The following RUFY1 variants were observed in gnomAD, a reference collection of about 807,000 sequenced individuals.
RUFY1 encodes the protein RUN and FYVE domain-containing protein 1.
RUFY1 carries 54 observed loss-of-function variants against 94.6 expected under a neutral mutation model. That is an observed-to-expected ratio of 0.57 (90% confidence interval 0.46 to 0.72). The LOEUF is 0.72. Among genes scored for constraint, RUFY1 ranks in the 30% least tolerant of loss-of-function variants. The pLI is 0.00. For missense variants in RUFY1, 883 were observed against 883.9 expected, an observed-to-expected ratio of 1.00 and a Z score of 0.01; for synonymous variants, 396 against 347.3, an observed-to-expected ratio of 1.14 and a Z score of -1.56.
At chr5:179,577,416 C>A (rs965226091) in intron 6 of RUFY1, among the ~76,000 whole-genome samples, 8 of 151,612 alleles carry the variant, frequency 5.3e-5, no homozygotes, top group Non-Finnish European at 1.2e-4. Context: ...CGGCCCGTCT[C>A]GGCCTCCCAA....
rs763576066 is a variant in RUFY1 at position 179,581,438 on chromosome 5, ATTTTTTT to A, written c.956+441_956+447del. 5.2e-4 allele frequency among the ~76,000 whole-genome samples: 61 copies of A among 116,914 alleles called. 1 individual carries two copies. Among genetic ancestry groups the A allele is most frequent in the African/African-American group, 1.9e-3 (59 of 31,484 alleles). 76.7% of individuals were successfully genotyped at this position (116,914 alleles called of 152,430 possible). A position where few individuals can be genotyped will look rare whatever the true frequency, so the allele number is the denominator to read the frequency against. On this transcript the variant is annotated intron_variant, in intron 7 of 17. Transcript: ENST00000319449. Reference sequence around the variant, plus strand: ...AGTGATCACCGGCATCTTTATCTTGATTTTTTTTTTTTTTTTTTTTTGCTGGAAATCT... The same window carrying A: ...AGTGATCACCGGCATCTTTATCTTGATTTTTTTTTTTTTTGCTGGAAATCT...
chr5:179,597,419 T>G lies in RUFY1; in HGVS notation c.1631+738T>G, dbSNP rs559904859. Among the ~76,000 whole-genome samples, 12 of 152,276 alleles carry G rather than the reference T, an allele frequency of 7.9e-5. No individual in the cohort carries two copies. In the East Asian group the frequency reaches 1.7e-3, roughly 22 times the overall value. On this transcript the variant is annotated intron_variant, in intron 13 of 17. Coordinates refer to ENST00000319449, the MANE Select transcript of RUFY1 (RefSeq NM_025158.5). ...CCTGGCTAATTTTTTGTATTTTTAG[T>G]AGAGACGGGGTTTCACTGTGTTAAC...
intron 15 of RUFY1, among the ~76,000 whole-genome samples, chr5:179,603,158 G>A (rs1415027381): frequency 1.3e-5 from 2 of 151,976 alleles, no homozygotes; most frequent in Non-Finnish European, 2.9e-5. Context: ...CCAGCTACTC[G>A]GGAGGCTGAG....
chr5:179,607,068 T>C (rs4700812), intron 16 of RUFY1: 103,510 of 160,370 alleles, frequency 0.65, 34,406 homozygotes, highest in East Asian at 0.93. Context: ...TTGGCCCGCA[T>C]GGAGAAGGGC....
chr5:179,605,830 CTCA>C, intron 15 of RUFY1, 43 bp from the exon 16 acceptor site: 2 of 1,060,772 alleles, frequency 1.9e-6, no homozygotes, highest in Non-Finnish European at 2.9e-6. Context: ...GATTCAGAGC[CTCA>C]CTCTCTCTCA....
At chr5:179,582,621 C>T (rs911305029) in intron 7 of RUFY1, among the ~76,000 whole-genome samples, 7 of 151,352 alleles carry the variant, frequency 4.6e-5, no homozygotes, top group African/African-American at 7.3e-5. Flanking sequence ...GGGAGGCCGA[C>T]GTGGGTGGAT....
intron 1 of RUFY1, among the ~76,000 whole-genome samples, chr5:179,557,719 T>C (rs1227232996): frequency 1.3e-5 from 2 of 152,160 alleles, no homozygotes; most frequent in Non-Finnish European, 2.9e-5. Flanking sequence ...TTGAACATAA[T>C]TACATAGATT....
At chr5:179,555,644 T>TTTTTTTC in intron 1 of RUFY1, 1 of 319,488 alleles carries the variant, frequency 3.1e-6, no homozygotes, top group African/African-American at 2.9e-5. Context: ...TTTTTTTTTT[T>TTTTTTTC]TTGAGCCGGC....
intron 9 of RUFY1, among the ~76,000 whole-genome samples, chr5:179,589,935 C>T (rs942611879): frequency 6.6e-6 from 1 of 152,200 alleles, no homozygotes; most frequent in East Asian, 1.9e-4. Context: ...TCCCAGGAGC[C>T]GTGGGCGGGC....
At chr5:179,562,004 T>C (rs1762496895) in intron 2 of RUFY1, among the ~76,000 whole-genome samples, 1 of 151,488 alleles carries the variant, frequency 6.6e-6, no homozygotes, top group Admixed American at 6.6e-5. Context: ...TTTTATTCTA[T>C]GGGCAATACA....
chr5:179,554,770 C>T (rs1274523198), intron 1 of RUFY1, among the ~76,000 whole-genome samples: 4 of 151,592 alleles, frequency 2.6e-5, no homozygotes, highest in Non-Finnish European at 4.4e-5. Flanking sequence ...GAGTTTGAGA[C>T]CAGCCTGGCC....
At chr5:179,554,310 G>A (rs906404754) in intron 1 of RUFY1, among the ~76,000 whole-genome samples, 1 of 152,190 alleles carries the variant, frequency 6.6e-6, no homozygotes, top group Non-Finnish European at 1.5e-5. Flanking sequence ...ACCGAGGTGG[G>A]TGAATCACCT....
intron 1 of RUFY1, among the ~76,000 whole-genome samples, chr5:179,554,883 G>T (rs1314280510): frequency 6.6e-6 from 1 of 151,948 alleles, no homozygotes; most frequent in Non-Finnish European, 1.5e-5. Flanking sequence ...CAGGAAAATT[G>T]CTTGAAACCA....
rs774724494 is a variant in RUFY1 at position 179,607,583 on chromosome 5, G to A, written c.1907G>A (p.Gly636Asp). 1 of 1,614,018 alleles carries A rather than the reference G, an allele frequency of 6.2e-7. No homozygotes were observed. The highest frequency in any genetic ancestry group is 1.7e-5 in the Admixed American group (1 of 60,008). The change falls in exon 17 of 18, where the codon GGC (glycine) becomes GAC (aspartate). Residue 636 changes from glycine (G) to aspartate (D), a missense_variant and splice_region_variant. By Grantham distance (94) the Gly-to-Asp change is moderately conservative. Transcript: ENST00000319449. Reference protein sequence around the residue: ...DIKEVNQALKGHAWLKDDEAT... With the variant: ...DIKEVNQALKDHAWLKDDEAT... Reference sequence around the variant, plus strand: ...TCTAGAATGTCCTTTCCTCTTCAGGGCCACGCCTGGCTGAAAGATGACGAA... The same window carrying A: ...TCTAGAATGTCCTTTCCTCTTCAGGACCACGCCTGGCTGAAAGATGACGAA...
intron 5 of RUFY1, 56 bp from the exon 6 acceptor site, chr5:179,577,018 TA>T: frequency 8.4e-7 from 1 of 1,185,056 alleles, no homozygotes; most frequent in Non-Finnish European, 1.3e-6. Flanking sequence ...TCAAAGGTTG[TA>T]AAGTTTATGA....
intron 5 of RUFY1, 91 bp downstream of exon 5, chr5:179,569,516 G>A (rs1763066034): frequency 1.5e-6 from 2 of 1,333,522 alleles, no homozygotes; most frequent in Middle Eastern, 1.8e-4. Context: ...CCAAAGAAGG[G>A]CAAATGGCAA....
chr5:179,588,792 A>G (rs376587219), intron 8 of RUFY1, among the ~76,000 whole-genome samples: 2 of 152,100 alleles, frequency 1.3e-5, no homozygotes, highest in African/African-American at 4.8e-5. Context: ...GTGCGGTGGC[A>G]TGATCTCAGC....
At position 179,607,650 on chromosome 5, in the gene RUFY1, C is replaced by T. The variant is rs200755968; in HGVS notation, c.1974C>T (p.Ser658=). 53 of 1,613,816 alleles carry T rather than the reference C, an allele frequency of 3.3e-5. No homozygotes were observed. Among genetic ancestry groups the T allele is most frequent in the Non-Finnish European group, 4.4e-5 (52 of 1,179,826 alleles). Residue 658 remains serine, a synonymous_variant, in exon 17 of 18, where the codon TCC becomes TCT. Coordinates refer to ENST00000319449, the MANE Select transcript of RUFY1 (RefSeq NM_025158.5). ...CRQCEKEFSI[S]RRKHHCRNCG... The stretch of plus-strand genomic sequence containing the variant: ...AGTGTGAGAAGGAGTTCTCCATTTC[C>T]CGGAGAAAGGTACGTGGGGGCTCCA...
At chr5:179,553,201 C>G (rs546615117) in intron 1 of RUFY1, among the ~76,000 whole-genome samples, 1 of 152,222 alleles carries the variant, frequency 6.6e-6, no homozygotes, top group African/African-American at 2.4e-5. Context: ...TTGCACCCTC[C>G]GAATCTCAGG....
Sources: allele counts gnomAD v4.1 joint callset (sites outside exome capture counted in the v4.1 genomes callset), GRCh38; gene constraint gnomAD v4.1.1; transcripts MANE v1.5; gene names NCBI Gene and HGNC (gene_info 2026-07-23, HGNC 2026-07-21).